LINGO2: variants seen among roughly 807,000 people sequenced by gnomAD.
LINGO2 encodes leucine-rich repeat and immunoglobulin-like domain-containing nogo receptor-interacting protein 2.
LINGO2 carries 14 observed loss-of-function variants against 30.6 expected under a neutral mutation model. That is an observed-to-expected ratio of 0.46 (90% CI 0.30 to 0.72). LINGO2 has a LOEUF of 0.72. LINGO2 is among the 30% of genes least tolerant of loss of function. The pLI, the probability that LINGO2 is intolerant of heterozygous loss-of-function variation, is 0.07. For missense variants in LINGO2, 729 were observed against 751.7 expected (o/e 0.97, Z 0.35); for synonymous variants, 317 against 288.5 (o/e 1.10, Z -1.00).
At chr9:28,890,483 C>T in the LINGO2 span, among the ~76,000 whole-genome samples, 3 of 152,000 alleles carry the variant, frequency 2.0e-5, no homozygotes, top group African/African-American at 7.2e-5. Context: ...TGAATACAGC[C>T]TCAACTACTC....
chr9:28,266,332 TAAGA>T (rs1822749755), intron 4 of LINGO2, among the ~76,000 whole-genome samples: 1 of 151,466 alleles, frequency 6.6e-6, no homozygotes, highest in Non-Finnish European at 1.5e-5. Context: ...AGGATTCTTA[TAAGA>T]AAGTTACAAT....
At chr9:28,122,583 T>C (rs746291501) in intron 4 of LINGO2, among the ~76,000 whole-genome samples, 1 of 152,186 alleles carries the variant, frequency 6.6e-6, no homozygotes, top group Non-Finnish European at 1.5e-5. Context: ...TTTCCCACCA[T>C]GTTACAGAAG....
the LINGO2 span, among the ~76,000 whole-genome samples, chr9:28,995,425 C>G: frequency 2.0e-5 from 3 of 152,302 alleles, no homozygotes; most frequent in Middle Eastern, 3.4e-3. Flanking sequence ...GCTGGTGGGA[C>G]TGTAAACTAG....
intron 5 of LINGO2, among the ~76,000 whole-genome samples, chr9:28,000,999 T>A (rs1309644696): frequency 6.6e-6 from 1 of 152,272 alleles, no homozygotes; most frequent in Non-Finnish European, 1.5e-5. Flanking sequence ...CAAAATATTT[T>A]CGACTAATTG....
intron 5 of LINGO2, among the ~76,000 whole-genome samples, chr9:27,955,106 C>A (rs2118441687): frequency 6.6e-6 from 1 of 152,160 alleles, no homozygotes; most frequent in African/African-American, 2.4e-5. Flanking sequence ...TTCAAAAAGT[C>A]ATGGATATGT....
At chr9:29,115,269 A>G in the LINGO2 span, among the ~76,000 whole-genome samples, 1 of 152,110 alleles carries the variant, frequency 6.6e-6, no homozygotes, top group Admixed American at 6.6e-5. Context: ...AGCAAGTTAG[A>G]TATTTTTATG....
At chr9:29,145,948 C>A in the LINGO2 span, among the ~76,000 whole-genome samples, 2 of 152,028 alleles carry the variant, frequency 1.3e-5, no homozygotes, top group African/African-American at 4.8e-5. Flanking sequence ...TATTATAATT[C>A]AGAACATCTC....
intron 5 of LINGO2, among the ~76,000 whole-genome samples, chr9:27,954,582 T>C (rs545447250): frequency 6.6e-6 from 1 of 152,338 alleles, no homozygotes; most frequent in Admixed American, 6.5e-5. Flanking sequence ...ATTTTCTTTA[T>C]CCATTCATTT....
rs537208677 is a variant in LINGO2, at chr9:28,535,745, C to T, written c.-364-59720G>A. Among the ~76,000 whole-genome samples, 30 of 151,488 alleles carry T rather than the reference C, an allele frequency of 2.0e-4. No individual in the cohort carries two copies. In the South Asian group the frequency reaches 5.2e-3, roughly 26 times the overall value. On this transcript the variant is annotated intron_variant, in intron 1 of 5. Coordinates refer to ENST00000379992, the Ensembl canonical transcript of LINGO2. ...GTGGACGCACACACACACACACACA[C>T]GGAGCTAAACTGGACAGCTACACTT...
chr9:28,250,005 A>C (rs1822139670), intron 4 of LINGO2, among the ~76,000 whole-genome samples: 1 of 152,094 alleles, frequency 6.6e-6, no homozygotes, highest in Non-Finnish European at 1.5e-5. Flanking sequence ...TCACTCTGGT[A>C]CTCATTCTCA....
At chr9:28,055,667 TTGTCAAAA>T (rs1824898372) in intron 4 of LINGO2, among the ~76,000 whole-genome samples, 1 of 152,170 alleles carries the variant, frequency 6.6e-6, no homozygotes, top group Admixed American at 6.6e-5. Flanking sequence ...GTTTGCTAGA[TTGTCAAAA>T]AACAAAATGC....
At chr9:28,756,767 G>C in the LINGO2 span, among the ~76,000 whole-genome samples, 1 of 151,810 alleles carries the variant, frequency 6.6e-6, no homozygotes, top group Admixed American at 6.6e-5. Flanking sequence ...TTTATTGCCT[G>C]CCACCAGGTA....
chr9:28,035,597 ATGC>A (rs1351301537), intron 4 of LINGO2, among the ~76,000 whole-genome samples: 1 of 152,210 alleles, frequency 6.6e-6, no homozygotes, highest in Non-Finnish European at 1.5e-5. Context: ...GGTAAATGTT[ATGC>A]AGTTTTATCT....
chr9:28,864,200 T>C, the LINGO2 span, among the ~76,000 whole-genome samples: 2 of 152,130 alleles, frequency 1.3e-5, no homozygotes, highest in African/African-American at 4.8e-5. Flanking sequence ...AGCTTACCAA[T>C]GTTACAAATC....
intron 3 of LINGO2, among the ~76,000 whole-genome samples, chr9:28,359,101 C>T (rs999920186): frequency 2.0e-5 from 3 of 152,152 alleles, no homozygotes; most frequent in African/African-American, 7.2e-5. Context: ...CTAACCCAAA[C>T]TTCTACTTAC....
chr9:28,944,685 C>T, the LINGO2 span, among the ~76,000 whole-genome samples: 2 of 152,112 alleles, frequency 1.3e-5, no homozygotes, highest in South Asian at 2.1e-4. Flanking sequence ...GGACTACAGG[C>T]GTGAGCCACC....
intron 3 of LINGO2, among the ~76,000 whole-genome samples, chr9:28,358,832 G>A (rs1230604208): frequency 6.6e-6 from 1 of 152,080 alleles, no homozygotes; most frequent in Non-Finnish European, 1.5e-5. Context: ...GTAGACAACT[G>A]CTGGAGGCTA....
At chr9:28,923,073 G>C in the LINGO2 span, among the ~76,000 whole-genome samples, 1 of 152,292 alleles carries the variant, frequency 6.6e-6, no homozygotes, top group East Asian at 1.9e-4. Context: ...TGCGGCACTA[G>C]AAACTGAGAA....
intron 4 of LINGO2, among the ~76,000 whole-genome samples, chr9:28,120,278 AC>A (rs1241373540): frequency 6.6e-6 from 1 of 152,164 alleles, no homozygotes; most frequent in East Asian, 1.9e-4. Context: ...TGTGAATAAT[AC>A]CTTAACGCCT....
Sources: allele counts gnomAD v4.1 joint callset (sites outside exome capture counted in the v4.1 genomes callset), GRCh38; gene constraint gnomAD v4.1.1; transcripts MANE v1.5; gene names NCBI Gene and HGNC (gene_info 2026-07-23, HGNC 2026-07-21).